The following RNF150 variants were observed in gnomAD, a reference collection of about 807,000 sequenced individuals.
RNF150 encodes ring finger protein 150.
RNF150 carries 24 observed loss-of-function variants against 39.3 expected under a neutral mutation model. That is an observed-to-expected ratio of 0.61 (90% CI 0.44 to 0.86). RNF150 has a LOEUF of 0.86. RNF150 is among the 40% of genes least tolerant of loss of function. The pLI is 0.00. For missense variants in RNF150, 502 were observed against 587.8 expected (o/e 0.85, Z 1.51); for synonymous variants, 255 against 227.3 (o/e 1.12, Z -1.10).
chr4:140,947,547 G>A, intron 4 of RNF150, 107 bp downstream of exon 4: 1 of 764,192 alleles, frequency 1.3e-6, no homozygotes, highest in South Asian at 1.6e-5. Context: ...AAACACTGAG[G>A]CAGACTGACC....
chr4:141,049,202 G>C (rs7672934), intron 1 of RNF150, among the ~76,000 whole-genome samples: 13,431 of 151,824 alleles, frequency 0.088, 710 homozygotes, highest in Middle Eastern at 0.16. Flanking sequence ...TTACCAATAA[G>C]TATTAGAAAT....
At chr4:141,052,762 C>T (rs1052184537) in intron 1 of RNF150, among the ~76,000 whole-genome samples, 7 of 152,150 alleles carry the variant, frequency 4.6e-5, no homozygotes, top group African/African-American at 1.7e-4. Flanking sequence ...TGCATTTCCC[C>T]TCTAAAAGAA....
intron 1 of RNF150, among the ~76,000 whole-genome samples, chr4:141,010,124 G>C (rs1393232719): frequency 6.6e-6 from 1 of 152,244 alleles, no homozygotes; most frequent in East Asian, 1.9e-4. Context: ...GTTCAGGAAA[G>C]TGGCTTCAAT....
In RNF150 at chr4:140,865,444, C is replaced by G. The variant is rs1304069475; in HGVS notation, c.*2817G>C. 6.6e-6 allele frequency: 1 copy of G among 152,540 alleles called. No individual in the cohort carries two copies. The highest frequency in any genetic ancestry group is 1.5e-5 in the Non-Finnish European group (1 of 68,030). The allele number at this position is 152,540 out of a possible 1,614,324, so 9.4% of individuals were successfully genotyped here. Reference sequence around the variant, plus strand: ...CCCTCTGACACTCATCTGTAGACTACCAGGTCTCCAGGTCAGTCTCTTCTT... The same window carrying G: ...CCCTCTGACACTCATCTGTAGACTAGCAGGTCTCCAGGTCAGTCTCTTCTT... On this transcript the variant is annotated 3_prime_UTR_variant, in exon 7 of 7. Transcript: ENST00000515673.
At chr4:140,950,541 G>GT (rs1228825320) in intron 2 of RNF150, among the ~76,000 whole-genome samples, 1 of 152,148 alleles carries the variant, frequency 6.6e-6, no homozygotes, top group African/African-American at 2.4e-5. Context: ...ATAAAATTAA[G>GT]TTTGACTTTA....
intron 1 of RNF150, among the ~76,000 whole-genome samples, chr4:141,034,299 T>C (rs553547045): frequency 3.9e-5 from 6 of 152,312 alleles, no homozygotes; most frequent in Admixed American, 3.9e-4. Flanking sequence ...TTGCAGCTTC[T>C]TCACCTCTCT....
At chr4:141,137,064 A>T (rs980863487), upstream of RNF150, among the ~76,000 whole-genome samples, 1 of 152,226 alleles carries the variant, frequency 6.6e-6, no homozygotes, top group Non-Finnish European at 1.5e-5. Context: ...GCAAGATTGT[A>T]TTTGATATGC....
intron 1 of RNF150, among the ~76,000 whole-genome samples, chr4:141,196,157 C>T (rs1728197462): frequency 6.6e-6 from 1 of 152,136 alleles, no homozygotes; most frequent in South Asian, 2.1e-4. Flanking sequence ...ATTTGATGTA[C>T]ACAAAATAAA....
chr4:140,982,654 A>G (rs1368409496), intron 1 of RNF150, among the ~76,000 whole-genome samples: 1 of 152,048 alleles, frequency 6.6e-6, no homozygotes, highest in African/African-American at 2.4e-5. Context: ...AATCAGTGAA[A>G]CCAGTCAGAA....
chr4:141,144,284 A>C (rs964478824), intron 1 of RNF150, among the ~76,000 whole-genome samples: 1 of 152,242 alleles, frequency 6.6e-6, no homozygotes, highest in Non-Finnish European at 1.5e-5. Context: ...TTTGCTCAAC[A>C]GTCATTATTC....
At chr4:141,197,340 C>T (rs1299207023) in intron 1 of RNF150, among the ~76,000 whole-genome samples, 1 of 152,024 alleles carries the variant, frequency 6.6e-6, no homozygotes, top group African/African-American at 2.4e-5. Context: ...TATCTATTTC[C>T]TCCATTTTTT....
At chr4:140,955,572 T>C (rs1198044349) in intron 2 of RNF150, among the ~76,000 whole-genome samples, 1 of 152,162 alleles carries the variant, frequency 6.6e-6, no homozygotes, top group Non-Finnish European at 1.5e-5. Context: ...GACAATGTGC[T>C]TTGAGACCTG....
chr4:140,981,967 C>T (rs1332925408), intron 1 of RNF150, among the ~76,000 whole-genome samples: 1 of 152,168 alleles, frequency 6.6e-6, no homozygotes, highest in East Asian at 1.9e-4. Flanking sequence ...TGCTCTAGTC[C>T]TTACTCTTTC....
At chr4:141,079,022 C>T (rs565424530) in intron 1 of RNF150, among the ~76,000 whole-genome samples, 2 of 151,968 alleles carry the variant, frequency 1.3e-5, no homozygotes, top group African/African-American at 4.8e-5. Context: ...CTCACAGTGA[C>T]AGCATTGGGT....
chr4:140,956,890 A>T (rs925243854), intron 2 of RNF150, among the ~76,000 whole-genome samples: 1 of 151,842 alleles, frequency 6.6e-6, no homozygotes, highest in Non-Finnish European at 1.5e-5. Flanking sequence ...CTTACACCTT[A>T]TACAAAAATC....
chr4:140,921,181 AATAATAAT>A (rs1731118341), intron 5 of RNF150, among the ~76,000 whole-genome samples: 1 of 31,356 alleles, frequency 3.2e-5, no homozygotes, highest in African/African-American at 1.0e-4. Context: ...AAAGTATAAT[AATAATAAT>A]AATAATAATA....
chr4:141,031,419 T>C (rs1050644141), intron 1 of RNF150, among the ~76,000 whole-genome samples: 4 of 151,810 alleles, frequency 2.6e-5, no homozygotes, highest in Admixed American at 1.3e-4. Context: ...TGCATCAAAG[T>C]AAAAAGCTTC....
chr4:141,038,243 G>T (rs1157910655), intron 1 of RNF150, among the ~76,000 whole-genome samples: 1 of 152,252 alleles, frequency 6.6e-6, no homozygotes, highest in East Asian at 1.9e-4. Flanking sequence ...GAGATAGCTG[G>T]TGTGCACGCT....
At chr4:141,108,847 A>C (rs376988104) in intron 1 of RNF150, among the ~76,000 whole-genome samples, 3 of 152,368 alleles carry the variant, frequency 2.0e-5, no homozygotes, top group East Asian at 3.9e-4. Flanking sequence ...ACTGTAGCAT[A>C]AAGACAGGGC....
Sources: allele counts gnomAD v4.1 joint callset (sites outside exome capture counted in the v4.1 genomes callset), GRCh38; gene constraint gnomAD v4.1.1; transcripts MANE v1.5; gene names NCBI Gene and HGNC (gene_info 2026-07-23, HGNC 2026-07-21).